Variants in SLX4 observed in about 807,000 individuals in gnomAD.
SLX4 encodes SLX4 structure-specific endonuclease subunit.
Under a neutral mutation model 146.2 loss-of-function variants are expected in SLX4, and 112 were observed. The ratio of observed to expected loss-of-function variants is 0.77; its 90% CI spans 0.66 to 0.90. The LOEUF (loss-of-function observed/expected upper bound fraction) is 0.90, where lower values mean the gene tolerates loss of function less well. Among genes scored for constraint, SLX4 ranks in the 40% least tolerant of loss-of-function variants. The pLI is 0.00. For missense variants in SLX4, 2,563 were observed against 2,392.7 expected (o/e 1.07, Z -1.49); for synonymous variants, 1,061 against 997.7 (o/e 1.06, Z -1.20).
At chr16:3,602,338 T>A in intron 3 of SLX4, 31 bp from the exon 4 acceptor site, 4 of 1,611,278 alleles carry the variant, frequency 2.5e-6, no homozygotes, top group Non-Finnish European at 3.4e-6. Context: ...TCCGTGAGAA[T>A]AAACTCCAAA....
rs1567174010 is a variant in SLX4 at position 3,597,594 on chromosome 16, G to T, written c.1468C>A (p.Leu490Ile). The T allele has an allele frequency of 6.2e-7, 1 of 1,614,146 alleles. No individual in the cohort carries two copies. Among genetic ancestry groups the T allele is most frequent in the East Asian group, 2.2e-5 (1 of 44,878 alleles). ...GACAATTCCACTTCCTCAGAGAGGA[G>T]CAGGGCCACACGGTCCTCTATCTGT... ...GRQIEDRVAL[L>I]LSEEVELSST... Residue 490 changes from leucine (L) to isoleucine (I), a missense_variant, in exon 7 of 15, where the codon CTC becomes ATC. By Grantham distance (5) the Leu-to-Ile change is conservative (BLOSUM62 2). Coordinates refer to ENST00000294008, the MANE Select transcript of SLX4 (RefSeq NM_032444.4). This position sits in a 1 kb window ranked among gnomAD's most constrained non-coding sequence, Gnocchi z 4.4.
chr16:3,605,142 T>C (rs1389168488), intron 3 of SLX4, among the ~76,000 whole-genome samples: 2 of 151,536 alleles, frequency 1.3e-5, no homozygotes, highest in East Asian at 2.0e-4. Context: ...CAGGCTGGAG[T>C]GCAGTGGTGC....
intron 3 of SLX4, among the ~76,000 whole-genome samples, chr16:3,606,262 C>A (rs951921151): frequency 6.6e-5 from 10 of 151,816 alleles, no homozygotes; most frequent in Non-Finnish European, 1.3e-4. Flanking sequence ...GAAAAAAAAA[C>A]AAAACGGTAC....
intron 13 of SLX4, among the ~76,000 whole-genome samples, chr16:3,584,060 A>G (rs984573723): frequency 2.6e-5 from 4 of 152,136 alleles, no homozygotes. Flanking sequence ...TGGCAGCAGC[A>G]GCTTCCCCGG....
At chr16:3,585,291 A>T (rs1567167422) in intron 12 of SLX4, among the ~76,000 whole-genome samples, 2 of 152,222 alleles carry the variant, frequency 1.3e-5, no homozygotes, top group Non-Finnish European at 2.9e-5. Context: ...ACCCAGTTAA[A>T]AAATGGGCAA....
In SLX4 at chr16:3,582,290, G is replaced by T; in HGVS notation, c.*52C>A. ...GTGTCCCAGGTCCTCCCTGCAAATG[G>T]CGGGGGTGGGGGCTGCTGATGGCAG... On this transcript the variant is annotated 3_prime_UTR_variant, in exon 15 of 15. Coordinates refer to ENST00000294008, the MANE Select transcript of SLX4 (RefSeq NM_032444.4). 6.6e-7 allele frequency: 1 copy of T among 1,523,088 alleles called. No homozygotes were observed. Among genetic ancestry groups the T allele is most frequent in the Non-Finnish European group, 8.9e-7 (1 of 1,120,856 alleles). 94.3% of individuals were successfully genotyped at this position (1,523,088 alleles called of 1,614,324 possible). A position where few individuals can be genotyped will look rare whatever the true frequency, so the allele number is the denominator to read the frequency against.
Position 3,596,383 on chromosome 16 carries a change from T to C in SLX4, c.1694A>G (p.Gln565Arg). Residue 565 changes from glutamine to arginine, a missense_variant, in exon 8 of 15, where the codon CAG (glutamine) becomes CGG (arginine). Coordinates refer to ENST00000294008, the MANE Select transcript of SLX4 (RefSeq NM_032444.4). ...TGGCACCAGAGGCGGCACGGGCTCC[T>C]GCATAAGGCCCTGAAAGAAGCCAGT... ...VPQRPAQGLM[Q>R]EPVPPLVPPE... 1 of 1,594,604 alleles carries C rather than the reference T, an allele frequency of 6.3e-7. No homozygotes were observed. The highest frequency in any genetic ancestry group is 8.6e-7 in the Non-Finnish European group (1 of 1,168,918).
chr16:3,595,398 A>G (rs1288912414), intron 9 of SLX4, among the ~76,000 whole-genome samples: 2 of 152,230 alleles, frequency 1.3e-5, no homozygotes, highest in African/African-American at 4.8e-5. Context: ...GTCTCGTGGC[A>G]GAGCCCCCAG....
In SLX4 at chr16:3,609,116, C is replaced by T. The variant is rs2040819851; in HGVS notation, c.-152G>A. 2.0e-6 allele frequency: 2 copies of T among 975,758 alleles called. No homozygotes were observed. The highest frequency in any genetic ancestry group is 1.6e-5 in the African/African-American group (1 of 61,850). The allele number at this position is 975,758 out of a possible 1,614,324, so 60.4% of individuals were successfully genotyped here. A position where few individuals can be genotyped will look rare whatever the true frequency, so the allele number is the denominator to read the frequency against. ...TAAAGCTTCCCTCTGTTAAAGTCCA[C>T]AACTGGGCCGGGCGCGGTGGCTCAC... On this transcript the variant is annotated 5_prime_UTR_variant, in exon 2 of 15. In the 5' UTR this introduces an upstream ATG that the reference lacks. Coordinates refer to ENST00000294008, the MANE Select transcript of SLX4 (RefSeq NM_032444.4).
chr16:3,589,099 A>G lies in SLX4; in HGVS notation c.4539T>C (p.Val1513=), dbSNP rs146731362. ...GAGGCCTCTGCTCTTCCCCGTCCCAAACGTCCCACAGAGCCGAATTCAGAA... is the reference window on the plus strand; with the variant it reads ...GAGGCCTCTGCTCTTCCCCGTCCCAGACGTCCCACAGAGCCGAATTCAGAA... The part of the protein sequence containing the change: ...PSFLNSALWD[V]WDGEEQRPPE... The change falls in exon 12 of 15, where the codon GTT becomes GTC. Residue 1513 remains valine (V), a synonymous_variant. Transcript: ENST00000294008. This position sits in a 1 kb window ranked among gnomAD's most constrained non-coding sequence, Gnocchi z 6.2. The G allele has an allele frequency of 1.1e-5, 17 of 1,614,054 alleles. No homozygotes were observed. The highest frequency in any genetic ancestry group is 1.3e-5 in the Non-Finnish European group (15 of 1,180,030).
chr16:3,596,384 G>A lies in SLX4; in HGVS notation c.1693C>T (p.Gln565Ter), dbSNP rs1046422222. 1 of 1,594,400 alleles carries A rather than the reference G, an allele frequency of 6.3e-7. No homozygotes were observed. Among genetic ancestry groups the A allele is most frequent in the Admixed American group, 1.7e-5 (1 of 58,526 alleles). ...VPQRPAQGLM[Q>*]EPVPPLVPPE... ...GGCACCAGAGGCGGCACGGGCTCCT[G>A]CATAAGGCCCTGAAAGAAGCCAGTA... Residue 565 changes from glutamine (Q) to a stop codon, truncating the protein, a stop_gained, in exon 8 of 15, where the codon CAG (glutamine) becomes TAG (stop). Transcript: ENST00000294008. LOFTEE classifies it high-confidence loss of function.
intron 3 of SLX4, among the ~76,000 whole-genome samples, chr16:3,602,606 A>G (rs937807157): frequency 2.0e-5 from 3 of 152,224 alleles, no homozygotes; most frequent in Non-Finnish European, 4.4e-5. Context: ...CCGCATTTCT[A>G]GCAGCCTCCA....
chr16:3,602,082 A>G (rs756302581), intron 4 of SLX4, 36 bp downstream of exon 4: 2 of 1,613,710 alleles, frequency 1.2e-6, no homozygotes, highest in African/African-American at 1.3e-5. Context: ...TTCTGGTCAC[A>G]TACACGGGAG....
intron 12 of SLX4, among the ~76,000 whole-genome samples, chr16:3,585,275 A>T (rs933952154): frequency 7.2e-5 from 11 of 152,192 alleles, no homozygotes; most frequent in Non-Finnish European, 1.5e-4. Context: ...TCATCAATTT[A>T]AAAAAACCCA....
chr16:3,597,401 AGAG>A lies in SLX4; in HGVS notation c.1658_1660del (p.Pro553del), dbSNP rs1276549152. 3 of 1,592,262 alleles carry A rather than the reference AGAG, an allele frequency of 1.9e-6. No homozygotes were observed. In the South Asian group the frequency reaches 3.4e-5, roughly 18 times the overall value. ...CACCTGGGCAGGCCGCTGGGGCACG[AGAG>A]GAGGGACCAGCCTGGCCGTGTAGAA... On this transcript the variant is annotated inframe_deletion, in exon 7 of 15. Coordinates refer to ENST00000294008, the MANE Select transcript of SLX4 (RefSeq NM_032444.4). This position sits in a 1 kb window ranked among gnomAD's most constrained non-coding sequence, Gnocchi z 4.4.
chr16:3,594,600 C>A lies in SLX4; in HGVS notation c.2014-1G>T, dbSNP rs777582528. ...CAGCAACCAGCAGCCCGAGGGAGAG[C>A]TGAAGCAGGAGGAGAGGAAGAGCCG... On this transcript the variant is annotated splice_acceptor_variant, in intron 9 of 14. Coordinates refer to ENST00000294008, the MANE Select transcript of SLX4 (RefSeq NM_032444.4). LOFTEE classifies it high-confidence loss of function. 2 of 1,614,026 alleles carry A rather than the reference C, an allele frequency of 1.2e-6. No individual in the cohort carries two copies. Among genetic ancestry groups the A allele is most frequent in the South Asian group, 2.2e-5 (2 of 91,076 alleles).
intron 8 of SLX4, 67 bp from the exon 9 acceptor site, chr16:3,595,760 C>T (rs1471351145): frequency 2.3e-5 from 36 of 1,572,386 alleles, no homozygotes; most frequent in Middle Eastern, 3.3e-4. Flanking sequence ...AAGAAGACAG[C>T]GTTGACCACA....
At position 3,596,287 on chromosome 16, in the gene SLX4, G is replaced by T; in HGVS notation, c.1790C>A (p.Ser597Tyr). 6.4e-7 allele frequency: 1 copy of T among 1,571,066 alleles called. No individual in the cohort carries two copies. Among genetic ancestry groups the T allele is most frequent in the East Asian group, 2.3e-5 (1 of 42,678 alleles). The change falls in exon 8 of 15, where the codon TCC (serine) becomes TAC (tyrosine). Residue 597 changes from serine to tyrosine, a missense_variant. Physicochemically the swap from Ser to Tyr is moderately radical, Grantham distance 144. Transcript: ENST00000294008. The part of the protein sequence containing the change: ...LHGTPTAGCG[S>Y]RGPSPSASQR... The stretch of plus-strand genomic sequence containing the variant: ...GCTGGCCGAAGGCGACGGGCCCCTG[G>T]AGCCACAGCCTGCAGTGGGGGTGCC...
intron 2 of SLX4, 111 bp from the exon 3 acceptor site, chr16:3,606,809 T>C (rs2040790968): frequency 9.0e-6 from 10 of 1,113,888 alleles, no homozygotes; most frequent in Non-Finnish European, 1.2e-5. Context: ...TCAACTAGTT[T>C]AGGTTTGACT....
Sources: allele counts gnomAD v4.1 joint callset (sites outside exome capture counted in the v4.1 genomes callset), GRCh38; gene constraint gnomAD v4.1.1; non-coding constraint Gnocchi (gnomAD v3.1); transcripts MANE v1.5; gene names NCBI Gene and HGNC (gene_info 2026-07-23, HGNC 2026-07-21).